The following CNTN6 variants were observed in gnomAD, a reference collection of about 807,000 sequenced individuals.
CNTN6 encodes the protein contactin-6.
Under a neutral mutation model 122.8 loss-of-function variants are expected in CNTN6, and 137 were observed. The ratio of observed to expected loss-of-function variants is 1.12; its 90% CI spans 0.97 to 1.29. CNTN6 has a LOEUF of 1.29. Ranked by LOEUF, CNTN6 falls within the 50% of genes most tolerant of loss-of-function variation. CNTN6 has a pLI of 0.00. For missense variants in CNTN6, 1,634 were observed against 1,223.4 expected, an observed-to-expected ratio of 1.34 and a Z score of -5.01; for synonymous variants, 570 against 426.0, an observed-to-expected ratio of 1.34 and a Z score of -4.16.
At chr3:1,205,273 A>G (rs1336740670) in intron 2 of CNTN6, among the ~76,000 whole-genome samples, 2 of 152,316 alleles carry the variant, frequency 1.3e-5, no homozygotes, top group African/African-American at 4.8e-5. Flanking sequence ...CCCATTTTGG[A>G]ATTCAAACCT....
rs1465377856 is a variant in CNTN6 at position 1,373,760 on chromosome 3, C to T, written c.1943C>T (p.Thr648Ile). The change falls in exon 15 of 23, where the codon ACA (threonine) becomes ATA (isoleucine). Residue 648 changes from threonine (T) to isoleucine (I), a missense_variant and splice_region_variant. Physicochemically the swap from Thr to Ile is moderately conservative, Grantham distance 89. Transcript: ENST00000446702. The stretch of plus-strand genomic sequence containing the variant: ...TCTGTGGGTTGGCAGGCTGTTGCTA[C>T]AGGTGAGTGACAAAAGTGTTTTGGG... ...PFSVGWQAVA[T>I]VPEILNGKTY... is the part of the protein sequence containing the mutation. The T allele has an allele frequency of 1.9e-6, 3 of 1,597,840 alleles. No homozygotes were observed. The highest frequency in any genetic ancestry group is 4.5e-5 in the East Asian group (2 of 44,524).
At chr3:1,302,155 A>C (rs7627835) in intron 7 of CNTN6, among the ~76,000 whole-genome samples, 12,010 of 152,252 alleles carry the variant, frequency 0.079, 475 homozygotes, top group East Asian at 0.15. Context: ...GTTTGTTGCC[A>C]AGTGTTTTTA....
chr3:1,190,298 A>G (rs1465165256), intron 2 of CNTN6, among the ~76,000 whole-genome samples: 1 of 152,152 alleles, frequency 6.6e-6, no homozygotes, highest in East Asian at 1.9e-4. Flanking sequence ...CCACCTCCAA[A>G]TACCGTCACA....
rs377404870 is a variant in CNTN6 at position 1,317,237 on chromosome 3, T to TG, written c.762-4413_762-4412insG. Among the ~76,000 whole-genome samples, 495 of 133,552 alleles carry TG rather than the reference T, an allele frequency of 3.7e-3. 1 individual carries two copies. The highest frequency in any genetic ancestry group is 0.011 in the Middle Eastern group (3 of 282). 87.6% of individuals were successfully genotyped at this position (133,552 alleles called of 152,430 possible). A position where few individuals can be genotyped will look rare whatever the true frequency, so the allele number is the denominator to read the frequency against. On this transcript the variant is annotated intron_variant, in intron 7 of 22. Coordinates refer to ENST00000446702, the MANE Select transcript of CNTN6 (RefSeq NM_001289080.2). ...ATCATTATTTTTTGATAATTTGTTG[T>TG]TTTTTCTTGCTGTGAGGATTCTAAA...
chr3:1,100,893 A>T (rs1187057731), intron 1 of CNTN6, among the ~76,000 whole-genome samples: 2 of 151,992 alleles, frequency 1.3e-5, no homozygotes, highest in African/African-American at 4.8e-5. Flanking sequence ...TTTAGAGTCA[A>T]ATTTCTTTAT....
chr3:1,378,416 A>T (rs936286878), intron 17 of CNTN6, among the ~76,000 whole-genome samples: 2 of 152,134 alleles, frequency 1.3e-5, no homozygotes, highest in African/African-American at 4.8e-5. Context: ...GTTATTCTTT[A>T]TGGTTATAAA....
At chr3:1,382,456 T>G (rs1416458153) in intron 17 of CNTN6, among the ~76,000 whole-genome samples, 1 of 152,212 alleles carries the variant, frequency 6.6e-6, no homozygotes, top group African/African-American at 2.4e-5. Flanking sequence ...CTTTTATACT[T>G]TTTTAAAGAA....
chr3:1,272,726 C>T (rs1011103660), intron 4 of CNTN6, among the ~76,000 whole-genome samples: 2 of 151,494 alleles, frequency 1.3e-5, no homozygotes, highest in Admixed American at 6.6e-5. Context: ...AAACCACTGG[C>T]CTCCTTCTGT....
intron 17 of CNTN6, among the ~76,000 whole-genome samples, chr3:1,380,337 T>A (rs1327741822): frequency 6.6e-6 from 1 of 152,154 alleles, no homozygotes; most frequent in Non-Finnish European, 1.5e-5. Context: ...ACACAATAAA[T>A]GTAGATTTTT....
chr3:1,327,770 CT>C (rs370774134), intron 10 of CNTN6, among the ~76,000 whole-genome samples, 184 bp downstream of exon 10: 43 of 151,872 alleles, frequency 2.8e-4, no homozygotes, highest in African/African-American at 1.0e-3. Flanking sequence ...GGGCAATGCA[CT>C]GGGGCTTCAG....
chr3:1,295,667 T>A lies in CNTN6; in HGVS notation c.521T>A (p.Val174Glu), dbSNP rs775813210. ...LYVQEDNRRF[V>E]SQETGNLYIA... The stretch of plus-strand genomic sequence containing the variant: ...GTCCAAGAGGACAATAGGCGATTTG[T>A]ATCTCAAGAGACGGGAAACTTGTAC... Residue 174 changes from valine to glutamate, a missense_variant, in exon 6 of 23, where the codon GTA becomes GAA. Coordinates refer to ENST00000446702, the MANE Select transcript of CNTN6 (RefSeq NM_001289080.2). The A allele has an allele frequency of 2.5e-6, 4 of 1,613,922 alleles. No homozygotes were observed. The highest frequency in any genetic ancestry group is 3.4e-6 in the Non-Finnish European group (4 of 1,179,944).
chr3:1,122,348 GA>G (rs2091980850), intron 1 of CNTN6, among the ~76,000 whole-genome samples: 2 of 145,744 alleles, frequency 1.4e-5, no homozygotes, highest in African/African-American at 2.8e-5. Context: ...GAGAGAGAGG[GA>G]AGGAGGGAAG....
chr3:1,339,897 C>T (rs1457515298), intron 11 of CNTN6, among the ~76,000 whole-genome samples: 1 of 152,148 alleles, frequency 6.6e-6, no homozygotes, highest in Admixed American at 6.6e-5. Flanking sequence ...TAACCAAATA[C>T]ACCCATAAAT....
At chr3:1,185,328 T>TTTA (rs1176421956) in intron 2 of CNTN6, among the ~76,000 whole-genome samples, 1 of 152,058 alleles carries the variant, frequency 6.6e-6, no homozygotes, top group African/African-American at 2.4e-5. Context: ...AGTGAAATTG[T>TTTA]TTATTTAAAA....
chr3:1,300,597 GAAAGAAAGAGAGAA>G (rs1559756322), intron 7 of CNTN6, among the ~76,000 whole-genome samples: 5 of 120,254 alleles, frequency 4.2e-5, no homozygotes, highest in African/African-American at 2.1e-4. Flanking sequence ...AAGAAAGAAA[GAAAGAAAGAGAGAA>G]AGAAAGGAAG....
chr3:1,231,342 T>C (rs974960481), intron 4 of CNTN6, among the ~76,000 whole-genome samples: 1 of 152,226 alleles, frequency 6.6e-6, no homozygotes, highest in Admixed American at 6.5e-5. Context: ...TCCTGTCCGT[T>C]GGCAGTCCAT....
intron 17 of CNTN6, among the ~76,000 whole-genome samples, chr3:1,379,427 G>GA (rs1190524594): frequency 1.1e-4 from 17 of 152,218 alleles, no homozygotes; most frequent in African/African-American, 4.1e-4. Flanking sequence ...AGAGTGACGA[G>GA]AGGAAGGGCG....
chr3:1,164,665 C>T (rs143338889), intron 2 of CNTN6, among the ~76,000 whole-genome samples: 1 of 152,176 alleles, frequency 6.6e-6, no homozygotes, highest in African/African-American at 2.4e-5. Context: ...TATTAGGACT[C>T]AGAAGCCTAT....
chr3:1,355,705 G>C (rs1279973588), intron 12 of CNTN6, among the ~76,000 whole-genome samples: 1 of 151,704 alleles, frequency 6.6e-6, no homozygotes, highest in Non-Finnish European at 1.5e-5. Context: ...AAGAGTAATA[G>C]AGTGTTAAGG....
Sources: allele counts gnomAD v4.1 joint callset (sites outside exome capture counted in the v4.1 genomes callset), GRCh38; gene constraint gnomAD v4.1.1; transcripts MANE v1.5; gene names NCBI Gene and HGNC (gene_info 2026-07-23, HGNC 2026-07-21).